TP53BP2: variants seen among roughly 807,000 people sequenced by gnomAD.
TP53BP2 encodes tumor protein p53 binding protein 2.
A neutral mutation model predicts 126.2 loss-of-function variants in TP53BP2; 62 were observed. The ratio of observed to expected loss-of-function variants is 0.49; its 90% CI spans 0.40 to 0.61. The LOEUF (loss-of-function observed/expected upper bound fraction) is 0.61. Among genes scored for constraint, TP53BP2 ranks in the 20% least tolerant of loss-of-function variants. The pLI is 0.00. For synonymous variants in TP53BP2, 485 were observed against 502.9 expected, an observed-to-expected ratio of 0.96 and a Z score of 0.48; for missense variants, 1,215 against 1,402.8, an observed-to-expected ratio of 0.87 and a Z score of 2.14.
intron 3 of TP53BP2, among the ~76,000 whole-genome samples, chr1:223,812,707 A>G (rs1662953223): frequency 6.6e-6 from 1 of 151,920 alleles, no homozygotes; most frequent in African/African-American, 2.4e-5. Flanking sequence ...TCACAGGCAC[A>G]TGCCACCATG....
intron 16 of TP53BP2, among the ~76,000 whole-genome samples, chr1:223,785,894 C>T (rs1371568896): frequency 6.6e-6 from 1 of 152,000 alleles, no homozygotes; most frequent in Non-Finnish European, 1.5e-5. Flanking sequence ...AAGGAACCCT[C>T]TGCTAGATGT....
intron 11 of TP53BP2, 116 bp from the exon 12 acceptor site, chr1:223,798,793 C>G: frequency 1.1e-6 from 1 of 943,408 alleles, no homozygotes; most frequent in Non-Finnish European, 1.6e-6. Context: ...TAGCTCTGGC[C>G]GGGTGCAGGG....
chr1:223,786,942 G>A (rs1661989826), intron 16 of TP53BP2, among the ~76,000 whole-genome samples: 1 of 150,920 alleles, frequency 6.6e-6, no homozygotes, highest in South Asian at 2.1e-4. Context: ...TGTTGCCCAG[G>A]CTGGAGTGCA....
rs1394085315 is a variant in TP53BP2 at position 223,810,495 on chromosome 1, T to C, written c.308A>G (p.Gln103Arg). ...ACCATTTCTTTTTAAACTTGGATCC[T>C]GAGATCTTGGTCCACTCACTAAGGA... ...GRDIVSGPRS[Q>R]DPSLKRNGVK... is the part of the protein sequence containing the mutation. Residue 103 changes from glutamine (Q) to arginine (R), a missense_variant, in exon 4 of 18, where the codon CAG (glutamine) becomes CGG (arginine). By Grantham distance (43) the Gln-to-Arg change is conservative (BLOSUM62 1). This residue lies in a region of TP53BP2 where 814 missense variants were observed against 853.0 expected (regional missense o/e 0.95). Coordinates refer to ENST00000343537, the MANE Select transcript of TP53BP2 (RefSeq NM_001031685.3). The C allele has an allele frequency of 6.2e-7, 1 of 1,606,666 alleles. No individual in the cohort carries two copies.
At position 223,798,251 on chromosome 1, in the gene TP53BP2, T is replaced by A; in HGVS notation, c.1912A>T (p.Thr638Ser). 6.2e-7 allele frequency: 1 copy of A among 1,614,174 alleles called. No homozygotes were observed. Residue 638 changes from threonine (T) to serine (S), a missense_variant, in exon 12 of 18, where the codon ACC becomes TCC. Coordinates refer to ENST00000343537, the MANE Select transcript of TP53BP2 (RefSeq NM_001031685.3). Reference protein sequence around the residue: ...NFQQAVQSALTKTHTRGPHFS... With the variant: ...NFQQAVQSALSKTHTRGPHFS... ...TGTGGCCCTCTGGTATGAGTCTTGGTCAACGCGCTCTGCACAGCCTGCTGG... is the reference window on the plus strand; with the variant it reads ...TGTGGCCCTCTGGTATGAGTCTTGGACAACGCGCTCTGCACAGCCTGCTGG...
At chr1:223,812,495 A>C (rs947525370) in intron 3 of TP53BP2, among the ~76,000 whole-genome samples, 2 of 151,652 alleles carry the variant, frequency 1.3e-5, no homozygotes, top group Non-Finnish European at 1.5e-5. Context: ...CGATTCTTCC[A>C]CTTCAGCCTC....
intron 13 of TP53BP2, 107 bp downstream of exon 13, chr1:223,795,708 G>T: frequency 9.7e-7 from 1 of 1,029,490 alleles, no homozygotes; most frequent in Non-Finnish European, 1.4e-6. Context: ...TGTGCCAAGG[G>T]AATCGTAAAA....
At chr1:223,812,074 A>G (rs1235976296) in intron 3 of TP53BP2, among the ~76,000 whole-genome samples, 2 of 152,108 alleles carry the variant, frequency 1.3e-5, no homozygotes, top group African/African-American at 2.4e-5. Context: ...ACTACAAAAA[A>G]AAAAAGAAAA....
chr1:223,803,515 G>A (rs1662607168), intron 6 of TP53BP2, 63 bp from the exon 7 acceptor site: 2 of 1,459,260 alleles, frequency 1.4e-6, no homozygotes, highest in African/African-American at 2.8e-5. Context: ...CTACTTCCCA[G>A]GCAACCGGGC....
At chr1:223,843,796 TAA>T (rs1490946172) in intron 1 of TP53BP2, among the ~76,000 whole-genome samples, 1 of 152,068 alleles carries the variant, frequency 6.6e-6, no homozygotes, top group African/African-American at 2.4e-5. Flanking sequence ...ATATACTTAA[TAA>T]AAGTTTTATT....
intron 3 of TP53BP2, 109 bp downstream of exon 3, chr1:223,814,131 C>G: frequency 4.0e-6 from 3 of 759,062 alleles, no homozygotes; most frequent in Non-Finnish European, 6.6e-6. Context: ...CACTTCCTAA[C>G]CTCTCCTTCA....
chr1:223,794,874 T>C (rs12026548), intron 13 of TP53BP2, among the ~76,000 whole-genome samples: 6,584 of 152,344 alleles, frequency 0.043, 412 homozygotes, highest in African/African-American at 0.14. Context: ...AATTATTATC[T>C]TTGAATACTA....
intron 1 of TP53BP2, among the ~76,000 whole-genome samples, 158 bp downstream of exon 1, chr1:223,845,496 C>T (rs1571884192): frequency 6.6e-6 from 1 of 152,186 alleles, no homozygotes; most frequent in African/African-American, 2.4e-5. Context: ...GGAGCCTCCC[C>T]TTCCTGAAAC....
chr1:223,842,338 A>G (rs1341277175), intron 1 of TP53BP2, among the ~76,000 whole-genome samples: 1 of 152,232 alleles, frequency 6.6e-6, no homozygotes, highest in Non-Finnish European at 1.5e-5. Context: ...CTATTTAAAT[A>G]TAATTAAAAT....
chr1:223,794,268 A>G (rs7517765), intron 13 of TP53BP2, among the ~76,000 whole-genome samples: 24,126 of 152,164 alleles, frequency 0.16, 2,412 homozygotes, highest in South Asian at 0.22. Flanking sequence ...TGATATATGT[A>G]CTCCACATAA....
At chr1:223,845,588 G>A (rs1664242098) in intron 1 of TP53BP2, 66 bp downstream of exon 1, 1 of 1,486,414 alleles carries the variant, frequency 6.7e-7, no homozygotes, top group Admixed American at 2.2e-5. Context: ...CGAGGGCGCG[G>A]ACCAGCCCCC....
chr1:223,794,748 T>G (rs1662261021), intron 13 of TP53BP2, among the ~76,000 whole-genome samples: 1 of 152,250 alleles, frequency 6.6e-6, no homozygotes, highest in Non-Finnish European at 1.5e-5. Context: ...GGCACAGGGT[T>G]GTTTAAAAAC....
intron 1 of TP53BP2, among the ~76,000 whole-genome samples, chr1:223,843,146 T>C (rs1350376668): frequency 6.6e-6 from 1 of 152,094 alleles, no homozygotes; most frequent in Admixed American, 6.5e-5. Context: ...CCTGTACCAT[T>C]TGGTGAGAAA....
At chr1:223,832,255 A>C (rs934247090) in intron 1 of TP53BP2, among the ~76,000 whole-genome samples, 1 of 152,220 alleles carries the variant, frequency 6.6e-6, no homozygotes, top group Non-Finnish European at 1.5e-5. Flanking sequence ...AGTTTACCTA[A>C]GAGGAAGAAA....
Sources: gnomAD v4.1 joint callset for allele counts (sites outside exome capture counted in the v4.1 genomes callset) on GRCh38, gnomAD v4.1.1 for gene constraint, gnomAD v4.1.1 regional missense constraint, MANE v1.5 for transcripts, NCBI Gene and HGNC (gene_info 2026-07-23, HGNC 2026-07-21) for gene names.